LAMA4: variants seen among roughly 807,000 people sequenced by gnomAD.
The protein encoded by LAMA4 is laminin subunit alpha-4.
A neutral mutation model predicts 207.1 loss-of-function variants in LAMA4; 127 were observed. The observed-to-expected ratio is 0.61, with a 90% CI of 0.53 to 0.71. The LOEUF (loss-of-function observed/expected upper bound fraction) is 0.71. LAMA4 is among the 30% of genes least tolerant of loss of function. The pLI is 0.00. For synonymous variants in LAMA4, 761 were observed against 816.0 expected, an observed-to-expected ratio of 0.93 and a Z score of 1.15; for missense variants, 2,093 against 2,246.5, an observed-to-expected ratio of 0.93 and a Z score of 1.38.
chr6:112,143,427 G>A (rs1435292025), intron 19 of LAMA4, among the ~76,000 whole-genome samples: 11 of 151,920 alleles, frequency 7.2e-5, no homozygotes, highest in Non-Finnish European at 1.6e-4. Context: ...TGGGACTACA[G>A]GTGTGCGCCA....
rs1779535262 is a variant in LAMA4 at position 112,139,226 on chromosome 6, A to G, written c.3176T>C (p.Val1059Ala). 1 of 1,614,042 alleles carries G rather than the reference A, an allele frequency of 6.2e-7. No individual in the cohort carries two copies. Among genetic ancestry groups the G allele is most frequent in the African/African-American group, 1.3e-5 (1 of 74,918 alleles). Residue 1059 changes from valine (V) to alanine (A), a missense_variant, in exon 24 of 39, where the codon GTG becomes GCG. Physicochemically the swap from Val to Ala is moderately conservative, Grantham distance 64 (BLOSUM62 0). Transcript: ENST00000230538. The part of the protein sequence containing the change: ...SYFFDGSGYA[V>A]VRDITRRGKF... The stretch of plus-strand genomic sequence containing the variant: ...CCCTCTCCTTGTGATGTCTCTCACC[A>G]CGGCATAACCGGAGCCATCGAAGAA...
In LAMA4 at chr6:112,134,507, T is replaced by C. The variant is rs201834379; in HGVS notation, c.3517A>G (p.Ile1173Val). 1.2e-5 allele frequency: 20 copies of C among 1,613,396 alleles called. No individual in the cohort carries two copies. The highest frequency in any genetic ancestry group is 1.6e-5 in the Non-Finnish European group (19 of 1,179,434). Residue 1173 changes from isoleucine (I) to valine (V), a missense_variant, in exon 26 of 39, where the codon ATA (isoleucine) becomes GTA (valine). Ile to Val is a conservative substitution (Grantham distance 29, BLOSUM62 3). Transcript: ENST00000230538. ...NEKMKIPFTD[I>V]YIGGAPPEIL... ...TCTGGAGGAGCTCCTCCAATGTATATATCTGTAAAAGGTATTTTCATCTTT... is the reference window on the plus strand; with the variant it reads ...TCTGGAGGAGCTCCTCCAATGTATACATCTGTAAAAGGTATTTTCATCTTT...
intron 21 of LAMA4, 41 bp downstream of exon 21, chr6:112,141,317 T>G: frequency 1.9e-6 from 3 of 1,593,944 alleles, no homozygotes; most frequent in Non-Finnish European, 2.6e-6. Flanking sequence ...AGGTTTCTTG[T>G]GATATGTGCA....
chr6:112,225,914 G>C (rs1263482527), intron 2 of LAMA4, among the ~76,000 whole-genome samples: 1 of 152,180 alleles, frequency 6.6e-6, no homozygotes, highest in Non-Finnish European at 1.5e-5. Flanking sequence ...CTGAGTTTTA[G>C]TAAGTTTTAT....
Position 112,142,105 on chromosome 6 carries a change from A to G in LAMA4, c.2667+14T>C, listed in dbSNP as rs782812582. 18 of 1,613,188 alleles carry G rather than the reference A, an allele frequency of 1.1e-5. No homozygotes were observed. ...TGTAAATATTATTCCCTCCTTTCAA[A>G]CTCATGTGCTTACGTTTTTGCTTCC... On this transcript the variant is annotated intron_variant, in intron 20 of 38. Transcript: ENST00000230538.
chr6:112,114,734 C>G lies in LAMA4; in HGVS notation c.5135G>C (p.Gly1712Ala), dbSNP rs1777911531. The change falls in exon 37 of 39, where the codon GGC becomes GCC. Residue 1712 changes from glycine (G) to alanine (A), a missense_variant. Gly to Ala is a moderately conservative substitution (Grantham distance 60). Transcript: ENST00000230538. ...NGQVIVKVNN[G>A]IRDFSTSVTP... is the part of the protein sequence containing the mutation. ...AACTGAGGTGGAAAAATCTCTGATG[C>G]CATTATTGACTTTCACTATGACCTG... The G allele has an allele frequency of 1.9e-6, 3 of 1,611,400 alleles. No homozygotes were observed. Among genetic ancestry groups the G allele is most frequent in the Non-Finnish European group, 2.5e-6 (3 of 1,177,736 alleles).
intron 30 of LAMA4, among the ~76,000 whole-genome samples, 172 bp from the exon 31 acceptor site, chr6:112,129,247 C>A (rs1778884636): frequency 6.6e-6 from 1 of 151,738 alleles, no homozygotes; most frequent in South Asian, 2.1e-4. Flanking sequence ...TAACCAGAAC[C>A]CTTTAAATTA....
At position 112,122,102 on chromosome 6, in the gene LAMA4, G is replaced by C; in HGVS notation, c.4387C>G (p.Pro1463Ala). The change falls in exon 32 of 39, where the codon CCT becomes GCT. Residue 1463 changes from proline to alanine, a missense_variant. Pro to Ala is a conservative substitution (Grantham distance 27). Around this residue, in one of 3 missense-constraint regions of LAMA4, gnomAD observed 6 missense variants for 20.3 expected, o/e 0.30. Transcript: ENST00000230538. The stretch of plus-strand genomic sequence containing the variant: ...TGATAGGCGTGCTCTATTGCTCTAG[G>C]GCTGTTGGAAAGGTGGCAATGAGAG... ...RNSHCHLSNSPRAIEHAYQYG... is the reference protein window; with the variant it reads ...RNSHCHLSNSARAIEHAYQYG... The C allele has an allele frequency of 6.2e-7, 1 of 1,613,868 alleles. No homozygotes were observed. The highest frequency in any genetic ancestry group is 8.5e-7 in the Non-Finnish European group (1 of 1,179,886).
In LAMA4 at chr6:112,112,643, G is replaced by A. The variant is rs146880066; in HGVS notation, c.5326+1433C>T. Among the ~76,000 whole-genome samples the A allele has an allele frequency of 2.2e-3, 330 of 147,450 alleles. 1 individual carries two copies. The highest frequency in any genetic ancestry group is 8.2e-3 in the African/African-American group (320 of 38,854). ...GGGAGAGGACTGGGGAATGGAGAGG[G>A]GAGTGGAAGCAGGAGACAAAGGAGA... On this transcript the variant is annotated intron_variant, in intron 38 of 38. Coordinates refer to ENST00000230538, the MANE Select transcript of LAMA4 (RefSeq NM_001105206.3).
intron 3 of LAMA4, among the ~76,000 whole-genome samples, chr6:112,208,661 A>G (rs1369960167): frequency 6.6e-6 from 1 of 152,224 alleles, no homozygotes; most frequent in Non-Finnish European, 1.5e-5. Context: ...AAATGAATGC[A>G]TTAGAAGGCA....
chr6:112,165,076 T>A lies in LAMA4; in HGVS notation c.1668+84A>T, dbSNP rs1011786841. 12 of 819,910 alleles carry A rather than the reference T, an allele frequency of 1.5e-5. No homozygotes were observed. The East Asian group carries it at 2.4e-4, about 17-fold the overall frequency. 50.8% of individuals were successfully genotyped at this position (819,910 alleles called of 1,614,324 possible). ...ATAATGCCTGCTCACTGGTTAGATATGAATTTATTATTATTCTGTGACACT... is the reference window on the plus strand; with the variant it reads ...ATAATGCCTGCTCACTGGTTAGATAAGAATTTATTATTATTCTGTGACACT... On this transcript the variant is annotated intron_variant, in intron 13 of 38. Coordinates refer to ENST00000230538, the MANE Select transcript of LAMA4 (RefSeq NM_001105206.3).
intron 2 of LAMA4, among the ~76,000 whole-genome samples, chr6:112,244,780 T>C (rs929943835): frequency 5.3e-5 from 8 of 152,302 alleles, no homozygotes; most frequent in African/African-American, 1.9e-4. Flanking sequence ...ATTCCTTTGA[T>C]TTCATGGCTC....
At chr6:112,159,139 A>T in intron 13 of LAMA4, 1 of 454,426 alleles carries the variant, frequency 2.2e-6, no homozygotes, top group South Asian at 2.4e-5. Context: ...AACTAAAACT[A>T]AACTAAAACC....
intron 13 of LAMA4, chr6:112,164,112 TGCTCTGGTATG>T (rs1217578729): frequency 2.0e-5 from 3 of 152,296 alleles, no homozygotes; most frequent in Non-Finnish European, 4.4e-5. Flanking sequence ...CGCATGCAGC[TGCTCTGGTATG>T]GCCATGGTGC....
chr6:112,120,524 A>C (rs148829144), intron 32 of LAMA4, 52 bp from the exon 33 acceptor site: 1 of 1,362,340 alleles, frequency 7.3e-7, no homozygotes, highest in Non-Finnish European at 1.0e-6. Context: ...ACTGAGGATA[A>C]TCTCTAACTT....
chr6:112,153,563 A>G (rs928949203), intron 16 of LAMA4, among the ~76,000 whole-genome samples: 6 of 152,134 alleles, frequency 3.9e-5, no homozygotes, highest in South Asian at 4.1e-4. Flanking sequence ...ATGAGGTTCA[A>G]TAACTCAATA....
rs182412849 is a variant in LAMA4, at chr6:112,174,429, T to G, written c.1357+884A>C. On this transcript the variant is annotated intron_variant, in intron 11 of 38. Coordinates refer to ENST00000230538, the MANE Select transcript of LAMA4 (RefSeq NM_001105206.3). ...CTGTCCAGGTTGAATCCAGCCTGAATTGCCAACCCATGAAAGCATGAGCAA... is the reference window on the plus strand; with the variant it reads ...CTGTCCAGGTTGAATCCAGCCTGAAGTGCCAACCCATGAAAGCATGAGCAA... Among the ~76,000 whole-genome samples, 15 of 152,330 alleles carry G rather than the reference T, an allele frequency of 9.8e-5. No homozygotes were observed. In the East Asian group the frequency reaches 2.1e-3, roughly 22 times the overall value.
At chr6:112,200,551 T>A (rs1475341117) in intron 5 of LAMA4, among the ~76,000 whole-genome samples, 1 of 152,204 alleles carries the variant, frequency 6.6e-6, no homozygotes, top group East Asian at 1.9e-4. Flanking sequence ...CAAAGGATTA[T>A]AAATCATTCT....
At position 112,114,214 on chromosome 6, in the gene LAMA4, A is replaced by G; in HGVS notation, c.5207-19T>C. The G allele has an allele frequency of 6.2e-7, 1 of 1,612,312 alleles. No homozygotes were observed. On this transcript the variant is annotated intron_variant, in intron 37 of 38. Coordinates refer to ENST00000230538, the MANE Select transcript of LAMA4 (RefSeq NM_001105206.3). The stretch of plus-strand genomic sequence containing the variant: ...CTAATAACTGAAATGCAGGGCAAAG[A>G]CTGGTCATAAGTGGCACTGGAGTGA...
Sources: allele counts gnomAD v4.1 joint callset (sites outside exome capture counted in the v4.1 genomes callset), GRCh38; gene constraint gnomAD v4.1.1; regional missense constraint gnomAD v4.1.1; transcripts MANE v1.5; gene names NCBI Gene and HGNC (gene_info 2026-07-23, HGNC 2026-07-21).